RAPGEF4: variants seen among roughly 807,000 people sequenced by gnomAD.
RAPGEF4 encodes the protein Rap guanine nucleotide exchange factor 4, also known as RAP guanine-nucleotide-exchange factor (GEF) 4.
In RAPGEF4, 66 loss-of-function variants were observed where a neutral mutation model predicts 147.9. That is an observed-to-expected ratio of 0.45 (90% CI 0.37 to 0.55). The LOEUF (loss-of-function observed/expected upper bound fraction) is 0.55. Ranked by LOEUF, RAPGEF4 falls within the 20% of genes least tolerant of loss-of-function variation. The pLI is 0.00. For synonymous variants in RAPGEF4, 419 were observed against 442.7 expected, an observed-to-expected ratio of 0.95 and a Z score of 0.67; for missense variants, 1,071 against 1,257.3, an observed-to-expected ratio of 0.85 and a Z score of 2.24.
chr2:172,770,988 G>A (rs193113162), intron 1 of RAPGEF4, among the ~76,000 whole-genome samples: 10 of 152,234 alleles, frequency 6.6e-5, no homozygotes, highest in African/African-American at 2.4e-4. Flanking sequence ...AATACTTTCA[G>A]TTGTTGCAGA....
intron 17 of RAPGEF4, among the ~76,000 whole-genome samples, chr2:173,013,841 A>G (rs2105884491): frequency 1.3e-5 from 2 of 152,346 alleles, no homozygotes; most frequent in Admixed American, 1.3e-4. Context: ...GTTCTACACA[A>G]GAGAAGAAGA....
intron 14 of RAPGEF4, among the ~76,000 whole-genome samples, chr2:172,990,201 G>A (rs1692691898): frequency 6.6e-6 from 1 of 152,016 alleles, no homozygotes; most frequent in Admixed American, 6.5e-5. Context: ...GAAATTTAAA[G>A]GTAAACTGTA....
chr2:172,875,426 A>G (rs1695794792), intron 4 of RAPGEF4, among the ~76,000 whole-genome samples: 1 of 152,110 alleles, frequency 6.6e-6, no homozygotes, highest in Non-Finnish European at 1.5e-5. Flanking sequence ...ATTTTTGTGT[A>G]AGGTGTAAGG....
chr2:172,848,550 G>T (rs1272766235), intron 4 of RAPGEF4, among the ~76,000 whole-genome samples: 1 of 152,156 alleles, frequency 6.6e-6, no homozygotes, highest in Non-Finnish European at 1.5e-5. Context: ...TGAAACACTG[G>T]GGTGGAGTCA....
chr2:172,993,897 G>A (rs1331951860), intron 15 of RAPGEF4, among the ~76,000 whole-genome samples: 1 of 152,156 alleles, frequency 6.6e-6, no homozygotes, highest in African/African-American at 2.4e-5. Flanking sequence ...AAGATCCTGG[G>A]GGTCTCCGAC....
At chr2:172,780,815 A>G (rs1684612775) in intron 1 of RAPGEF4, among the ~76,000 whole-genome samples, 1 of 152,212 alleles carries the variant, frequency 6.6e-6, no homozygotes, top group African/African-American at 2.4e-5. Context: ...ATGTGCAAGA[A>G]TATCTGCAGA....
intron 6 of RAPGEF4, among the ~76,000 whole-genome samples, chr2:172,930,088 G>A (rs940493245): frequency 6.6e-6 from 1 of 152,106 alleles, no homozygotes; most frequent in African/African-American, 2.4e-5. Context: ...GAAGGGAAAG[G>A]GTTCAAAGTA....
At chr2:172,795,239 A>G (rs1225907538) in intron 2 of RAPGEF4, 72 bp downstream of exon 2, 1 of 1,435,870 alleles carries the variant, frequency 7.0e-7, no homozygotes, top group Non-Finnish European at 9.6e-7. Context: ...TTATGGAGAT[A>G]AATAGCAAAT....
At chr2:172,980,630 CT>C (rs757000897) in intron 10 of RAPGEF4, among the ~76,000 whole-genome samples, 5 of 152,154 alleles carry the variant, frequency 3.3e-5, no homozygotes, top group Admixed American at 6.5e-5. Flanking sequence ...ATTCTGCCAT[CT>C]TTACCTCTCT....
intron 1 of RAPGEF4, among the ~76,000 whole-genome samples, chr2:172,793,411 G>A (rs1004269951): frequency 2.0e-5 from 3 of 152,116 alleles, no homozygotes; most frequent in Admixed American, 6.6e-5. Context: ...GAGGCCCCCG[G>A]CTCTTATCAG....
intron 4 of RAPGEF4, among the ~76,000 whole-genome samples, chr2:172,868,932 C>A (rs1237804314): frequency 6.6e-6 from 1 of 152,132 alleles, no homozygotes; most frequent in East Asian, 1.9e-4. Context: ...AGAGCTGGAG[C>A]AAGAGAGAGA....
intron 6 of RAPGEF4, among the ~76,000 whole-genome samples, chr2:172,959,823 C>T (rs1375258187): frequency 1.3e-5 from 2 of 152,214 alleles, no homozygotes; most frequent in Admixed American, 6.5e-5. Context: ...GGTGCTGTGG[C>T]TCATGCCTAT....
At chr2:173,038,559 G>A (rs1457550868) in intron 29 of RAPGEF4, among the ~76,000 whole-genome samples, 1 of 152,142 alleles carries the variant, frequency 6.6e-6, no homozygotes, top group East Asian at 1.9e-4. Context: ...GACACAGGGA[G>A]GGGAACATCA....
At chr2:172,914,586 G>T (rs1246558118) in intron 4 of RAPGEF4, among the ~76,000 whole-genome samples, 2 of 151,318 alleles carry the variant, frequency 1.3e-5, no homozygotes, top group African/African-American at 4.9e-5. Flanking sequence ...AAGGAGGGAG[G>T]GAGGAAAGGA....
At chr2:173,041,731 T>C (rs937177224) in intron 29 of RAPGEF4, among the ~76,000 whole-genome samples, 1 of 152,226 alleles carries the variant, frequency 6.6e-6, no homozygotes, top group African/African-American at 2.4e-5. Context: ...TCTGACACTT[T>C]GTCTTCTCTG....
At chr2:172,817,168 G>A (rs1390719981) in intron 4 of RAPGEF4, among the ~76,000 whole-genome samples, 21 of 152,150 alleles carry the variant, frequency 1.4e-4, no homozygotes, top group Admixed American at 1.0e-3. Context: ...GATATAGTCA[G>A]ATGTTCGTAT....
At chr2:172,800,841 C>G (rs1336058726) in intron 3 of RAPGEF4, among the ~76,000 whole-genome samples, 1 of 152,178 alleles carries the variant, frequency 6.6e-6, no homozygotes, top group Non-Finnish European at 1.5e-5. Context: ...ACAGCAACAT[C>G]TAGATTAGTA....
At chr2:172,999,084 G>A (rs1475998855) in intron 16 of RAPGEF4, among the ~76,000 whole-genome samples, 3 of 152,158 alleles carry the variant, frequency 2.0e-5, no homozygotes, top group African/African-American at 4.8e-5. Context: ...GCCAAGAGTA[G>A]CCTGATTATT....
chr2:172,738,498 C>G (rs1393654136), intron 1 of RAPGEF4, among the ~76,000 whole-genome samples: 3 of 152,164 alleles, frequency 2.0e-5, no homozygotes, highest in African/African-American at 7.2e-5. Flanking sequence ...GCCTAGAACT[C>G]AGAGGCTGAG....
Sources: gnomAD v4.1 joint callset for allele counts (sites outside exome capture counted in the v4.1 genomes callset) on GRCh38, gnomAD v4.1.1 for gene constraint, MANE v1.5 for transcripts, NCBI Gene and HGNC (gene_info 2026-07-23, HGNC 2026-07-21) for gene names.